The following CAMKMT variants were observed in gnomAD, a reference collection of about 807,000 sequenced individuals.
The protein encoded by CAMKMT is CaM KMT.
In CAMKMT, 53 loss-of-function variants were observed where a neutral mutation model predicts 48.0. The ratio of observed to expected loss-of-function variants is 1.10; its 90% CI spans 0.89 to 1.39. The LOEUF (loss-of-function observed/expected upper bound fraction) is 1.39. Among genes scored for constraint, CAMKMT ranks in the 40% most tolerant of loss-of-function variants. The pLI, the probability that CAMKMT is intolerant of heterozygous loss-of-function variation, is 0.00. For missense variants in CAMKMT, 428 were observed against 402.7 expected, an observed-to-expected ratio of 1.06 and a Z score of -0.54; for synonymous variants, 165 against 152.3, an observed-to-expected ratio of 1.08 and a Z score of -0.61.
At chr2:44,673,233 C>G (rs1675435214) in intron 3 of CAMKMT, among the ~76,000 whole-genome samples, 2 of 151,806 alleles carry the variant, frequency 1.3e-5, no homozygotes, top group Non-Finnish European at 1.5e-5. Flanking sequence ...TGCAATCACC[C>G]TGGTCAATAC....
At chr2:44,679,084 C>G (rs1297136569) in intron 3 of CAMKMT, among the ~76,000 whole-genome samples, 2 of 152,120 alleles carry the variant, frequency 1.3e-5, no homozygotes, top group Non-Finnish European at 2.9e-5. Flanking sequence ...AATAAACCAT[C>G]CTGGTTTCCT....
intron 3 of CAMKMT, among the ~76,000 whole-genome samples, chr2:44,475,595 A>C (rs1000578634): frequency 6.6e-6 from 1 of 152,094 alleles, no homozygotes; most frequent in Non-Finnish European, 1.5e-5. Context: ...GATTACAGGC[A>C]TGAGCCACCG....
intron 3 of CAMKMT, among the ~76,000 whole-genome samples, chr2:44,534,311 A>G (rs1302414090): frequency 1.3e-5 from 2 of 152,182 alleles, no homozygotes; most frequent in African/African-American, 2.4e-5. Context: ...TAATGCAACT[A>G]GCATTAGACA....
chr2:44,470,676 G>A lies in CAMKMT; in HGVS notation c.376+80371G>A, dbSNP rs373026280. ...ATTAATAAAATGATATCCAGACAAA[G>A]TCATTGCTAATATATATGCATGTCT... On this transcript the variant is annotated intron_variant, in intron 3 of 10. Transcript: ENST00000378494. Among the ~76,000 whole-genome samples, 33 of 152,250 alleles carry A rather than the reference G, an allele frequency of 2.2e-4. No individual in the cohort carries two copies. The South Asian group carries it at 3.7e-3, about 17-fold the overall frequency.
At chr2:44,504,157 T>A (rs1456517281) in intron 3 of CAMKMT, among the ~76,000 whole-genome samples, 1 of 152,148 alleles carries the variant, frequency 6.6e-6, no homozygotes, top group Non-Finnish European at 1.5e-5. Context: ...GATTAGGGTT[T>A]CAACATATTA....
chr2:44,442,914 A>G (rs1168255600), intron 3 of CAMKMT, among the ~76,000 whole-genome samples: 1 of 152,212 alleles, frequency 6.6e-6, no homozygotes, highest in Non-Finnish European at 1.5e-5. Context: ...AGAATAAATG[A>G]ATGAATAAAA....
chr2:44,666,316 G>A (rs1263197953), intron 3 of CAMKMT, among the ~76,000 whole-genome samples: 1 of 152,132 alleles, frequency 6.6e-6, no homozygotes, highest in African/African-American at 2.4e-5. Context: ...GGGGCTTTCT[G>A]TTCTTTACCT....
At chr2:44,518,582 A>C (rs866832313) in intron 3 of CAMKMT, among the ~76,000 whole-genome samples, 28 of 152,096 alleles carry the variant, frequency 1.8e-4, no homozygotes, top group Admixed American at 1.1e-3. Context: ...CTCTATACAA[A>C]CCCCTAAATA....
intron 3 of CAMKMT, among the ~76,000 whole-genome samples, chr2:44,663,884 T>C (rs1674815800): frequency 6.6e-6 from 1 of 152,086 alleles, no homozygotes; most frequent in Non-Finnish European, 1.5e-5. Context: ...ACTTACATTC[T>C]TGTGGGGGAA....
rs1671984941 is a variant in CAMKMT, at chr2:44,618,021, T to C, written c.377-86262T>C. On this transcript the variant is annotated intron_variant, in intron 3 of 10. Transcript: ENST00000378494. The surrounding 1 kb of genome is among the most constrained non-coding windows in gnomAD (Gnocchi z 4.0). ...AGAAAGCATCATATCTGAGCTATTCTTTTCATCTCCTTCCTGTTTCTTTGT... is the reference window on the plus strand; with the variant it reads ...AGAAAGCATCATATCTGAGCTATTCCTTTCATCTCCTTCCTGTTTCTTTGT... 6.6e-6 allele frequency among the ~76,000 whole-genome samples: 1 copy of C among 152,232 alleles called. No individual in the cohort carries two copies. The highest frequency in any genetic ancestry group is 2.1e-4 in the South Asian group (1 of 4,832).
At chr2:44,559,536 ATTTTACATAACCACT>A (rs1248004800) in intron 3 of CAMKMT, among the ~76,000 whole-genome samples, 1 of 139,324 alleles carries the variant, frequency 7.2e-6, no homozygotes, top group Non-Finnish European at 1.6e-5. Context: ...AAGAATTTCT[ATTTTACATAACCACT>A]TTTTTTTTAA....
In CAMKMT at chr2:44,717,685, AC is replaced by A. The variant is rs1237793645; in HGVS notation, c.623+2333del. 2.0e-5 allele frequency among the ~76,000 whole-genome samples: 3 copies of A among 152,204 alleles called. No homozygotes were observed. In the East Asian group the frequency reaches 5.8e-4, roughly 29 times the overall value. ...AGTATTTACCATAGCTATAAAGCCC[AC>A]ATGTGAGCCAAATATTTCTGCTATT... On this transcript the variant is annotated intron_variant, in intron 7 of 10. Transcript: ENST00000378494.
intron 3 of CAMKMT, among the ~76,000 whole-genome samples, chr2:44,415,823 A>C (rs921243974): frequency 2.6e-5 from 4 of 152,192 alleles, no homozygotes; most frequent in Non-Finnish European, 5.9e-5. Context: ...CCCCTTATAC[A>C]TATATTCAGT....
intron 3 of CAMKMT, among the ~76,000 whole-genome samples, chr2:44,697,121 G>A (rs1008872073): frequency 6.6e-6 from 1 of 152,112 alleles, no homozygotes; most frequent in South Asian, 2.1e-4. Context: ...GGAAATAATC[G>A]ATGATACTTT....
intron 3 of CAMKMT, among the ~76,000 whole-genome samples, chr2:44,443,787 T>C (rs1274083371): frequency 1.3e-5 from 2 of 152,206 alleles, no homozygotes; most frequent in Admixed American, 1.3e-4. Flanking sequence ...GAAAATGTTA[T>C]GTTGTGCAGC....
At chr2:44,612,480 C>T (rs1409742268) in intron 3 of CAMKMT, among the ~76,000 whole-genome samples, 4 of 152,240 alleles carry the variant, frequency 2.6e-5, no homozygotes, top group African/African-American at 4.8e-5. Flanking sequence ...GTAGTGATTA[C>T]GGAATTTCAG....
chr2:44,757,755 G>A (rs1426488126), intron 9 of CAMKMT, among the ~76,000 whole-genome samples: 1 of 152,092 alleles, frequency 6.6e-6, no homozygotes, highest in Non-Finnish European at 1.5e-5. Flanking sequence ...TAGAGATGGG[G>A]TTTCACCTAT....
rs915922718 is a variant in CAMKMT, at chr2:44,546,143, T to G, written c.376+155838T>G. 3.6e-5 allele frequency among the ~76,000 whole-genome samples: 5 copies of G among 137,646 alleles called. No individual in the cohort carries two copies. The East Asian group carries it at 8.8e-4, about 24-fold the overall frequency. The allele number at this position is 137,646 out of a possible 152,430, so 90.3% of individuals were successfully genotyped here. A position where few individuals can be genotyped will look rare whatever the true frequency, so the allele number is the denominator to read the frequency against. On this transcript the variant is annotated intron_variant, in intron 3 of 10. Coordinates refer to ENST00000378494, the MANE Select transcript of CAMKMT (RefSeq NM_024766.5). The stretch of plus-strand genomic sequence containing the variant: ...CATATTCTTTTGGATCTGGCTATCT[T>G]AGACTGCTAGGACACACACACACAC...
intron 9 of CAMKMT, among the ~76,000 whole-genome samples, chr2:44,766,067 C>T (rs1447434653): frequency 1.3e-5 from 2 of 152,200 alleles, no homozygotes; most frequent in African/African-American, 2.4e-5. Context: ...TAAGGAGTCA[C>T]AAGGTGAATG....
Sources: allele counts gnomAD v4.1 joint callset (sites outside exome capture counted in the v4.1 genomes callset), GRCh38; gene constraint gnomAD v4.1.1; non-coding constraint Gnocchi (gnomAD v3.1); transcripts MANE v1.5; gene names NCBI Gene and HGNC (gene_info 2026-07-23, HGNC 2026-07-21).